DPP10: variants seen among roughly 807,000 people sequenced by gnomAD.
DPP10 encodes the protein dipeptidyl peptidase like 10.
Under a neutral mutation model 120.9 loss-of-function variants are expected in DPP10, and 33 were observed. The ratio of observed to expected loss-of-function variants is 0.27; its 90% confidence interval spans 0.21 to 0.37. DPP10 has a LOEUF of 0.37. DPP10 is among the 10% of genes least tolerant of loss of function. The probability of loss-of-function intolerance (pLI) is 1.00; values close to 1 mark genes in which losing one functional copy is unlikely to be tolerated. For missense variants in DPP10, 816 were observed against 942.8 expected (o/e 0.87, Z 1.76); for synonymous variants, 337 against 326.1 (o/e 1.03, Z -0.36).
intron 7 of DPP10, among the ~76,000 whole-genome samples, chr2:115,727,532 A>G (rs1276534160): frequency 6.6e-6 from 1 of 152,148 alleles, no homozygotes. Flanking sequence ...TGTGGTATGG[A>G]GAGAGATTAT....
chr2:114,555,973 C>T (rs1430115), intron 1 of DPP10, among the ~76,000 whole-genome samples: 1,828 of 152,022 alleles, frequency 0.012, 31 homozygotes, highest in African/African-American at 0.041. Flanking sequence ...AAGAGAGAGC[C>T]AGGAGCCAGA....
At chr2:115,307,093 T>C (rs2061387800) in intron 1 of DPP10, among the ~76,000 whole-genome samples, 2 of 152,236 alleles carry the variant, frequency 1.3e-5, no homozygotes, top group South Asian at 2.1e-4. Flanking sequence ...TACTAATCTC[T>C]TCAAATCCCG....
intron 1 of DPP10, among the ~76,000 whole-genome samples, chr2:114,869,309 G>T (rs929537653): frequency 6.6e-6 from 1 of 152,110 alleles, no homozygotes; most frequent in Non-Finnish European, 1.5e-5. Context: ...TGTGAAGCAG[G>T]TTTATTGCGC....
chr2:114,782,936 T>C (rs1682456957), intron 1 of DPP10, among the ~76,000 whole-genome samples: 1 of 152,088 alleles, frequency 6.6e-6, no homozygotes, highest in Non-Finnish European at 1.5e-5. Flanking sequence ...TAATTCTTCC[T>C]TGTAATTTCT....
At chr2:115,178,913 G>T (rs2053888402) in intron 1 of DPP10, among the ~76,000 whole-genome samples, 1 of 152,192 alleles carries the variant, frequency 6.6e-6, no homozygotes, top group African/African-American at 2.4e-5. Flanking sequence ...ATGGGATTGT[G>T]GTTTCTACTG....
intron 19 of DPP10, among the ~76,000 whole-genome samples, chr2:115,812,723 T>A (rs1246799068): frequency 6.6e-6 from 1 of 152,156 alleles, no homozygotes; most frequent in Non-Finnish European, 1.5e-5. Flanking sequence ...AATGAGTGAT[T>A]TAGAAAAGAA....
At chr2:115,443,121 G>T (rs907501874) in intron 3 of DPP10, among the ~76,000 whole-genome samples, 1 of 152,114 alleles carries the variant, frequency 6.6e-6, no homozygotes, top group African/African-American at 2.4e-5. Flanking sequence ...CTTTGATTTG[G>T]AAAGGCTAAG....
At chr2:115,711,886 C>G (rs991935697) in intron 7 of DPP10, among the ~76,000 whole-genome samples, 47 of 142,792 alleles carry the variant, frequency 3.3e-4, no homozygotes, top group Middle Eastern at 4.0e-3. Context: ...TAAGAGTTTT[C>G]CTAGAATATT....
chr2:114,823,067 A>T (rs540599812), intron 1 of DPP10, among the ~76,000 whole-genome samples: 1 of 152,318 alleles, frequency 6.6e-6, no homozygotes, highest in East Asian at 1.9e-4. Flanking sequence ...TCTTTACAGC[A>T]GCACCCTACT....
intron 1 of DPP10, among the ~76,000 whole-genome samples, chr2:115,236,039 A>G (rs1431774450): frequency 1.3e-5 from 2 of 152,192 alleles, no homozygotes; most frequent in Non-Finnish European, 2.9e-5. Flanking sequence ...TGCAAGAAAC[A>G]GACAAGCAAC....
intron 1 of DPP10, among the ~76,000 whole-genome samples, chr2:114,570,836 TAAA>T (rs58796386): frequency 0.025 from 1,471 of 57,864 alleles, 21 homozygotes; most frequent in African/African-American, 0.069. Context: ...CTGTCTCAAA[TAAA>T]AAAAAAAAAA....
At chr2:115,487,278 A>G (rs1003407554) in intron 3 of DPP10, among the ~76,000 whole-genome samples, 1 of 131,488 alleles carries the variant, frequency 7.6e-6, no homozygotes, top group Non-Finnish European at 1.6e-5. Context: ...AGGAAGAATC[A>G]ATATCGTGAA....
intron 2 of DPP10, among the ~76,000 whole-genome samples, chr2:115,310,479 A>C (rs2061532668): frequency 6.6e-6 from 1 of 152,144 alleles, no homozygotes; most frequent in African/African-American, 2.4e-5. Flanking sequence ...AAACTGCCAA[A>C]AATGCAGTTT....
At chr2:115,501,831 G>T (rs1038701929) in intron 4 of DPP10, among the ~76,000 whole-genome samples, 1 of 151,962 alleles carries the variant, frequency 6.6e-6, no homozygotes, top group Non-Finnish European at 1.5e-5. Flanking sequence ...ACTAACGTTA[G>T]GCTAAAACCG....
At chr2:114,768,065 T>C (rs1049993950) in intron 1 of DPP10, among the ~76,000 whole-genome samples, 5 of 137,180 alleles carry the variant, frequency 3.6e-5, no homozygotes, top group African/African-American at 5.6e-5. Flanking sequence ...GAGGTGGAGG[T>C]GGCAGTGAGC....
chr2:114,750,342 T>A (rs940845394), intron 1 of DPP10, among the ~76,000 whole-genome samples: 10 of 151,844 alleles, frequency 6.6e-5, no homozygotes, highest in African/African-American at 2.4e-4. Flanking sequence ...CAATATATTT[T>A]TTTTTTTTTG....
rs1175832535 is a variant in DPP10 at position 114,846,338 on chromosome 2, A to G, written c.60+403500A>G. Among the ~76,000 whole-genome samples, 4 of 152,160 alleles carry G rather than the reference A, an allele frequency of 2.6e-5. No homozygotes were observed. In the East Asian group the frequency reaches 7.7e-4, roughly 29 times the overall value. The stretch of plus-strand genomic sequence containing the variant: ...ATTTAAATATGCTGATCAATTACTC[A>G]AAAAATATTCCAGAGGAAGACTATG... On this transcript the variant is annotated intron_variant, in intron 1 of 25. Transcript: ENST00000410059.
At chr2:115,773,869 GACAGTC>G (rs1192538701) in intron 13 of DPP10, among the ~76,000 whole-genome samples, 3 of 152,054 alleles carry the variant, frequency 2.0e-5, no homozygotes, top group Non-Finnish European at 4.4e-5. Context: ...TCACTGCTGT[GACAGTC>G]TTATGTAGAT....
intron 1 of DPP10, among the ~76,000 whole-genome samples, chr2:115,205,732 G>A (rs1044309348): frequency 6.6e-6 from 1 of 152,144 alleles, no homozygotes; most frequent in Admixed American, 6.6e-5. Context: ...TTGCAGTAAC[G>A]TGGATGCAGT....
Sources: allele counts gnomAD v4.1 joint callset (sites outside exome capture counted in the v4.1 genomes callset), GRCh38; gene constraint gnomAD v4.1.1; transcripts MANE v1.5; gene names NCBI Gene and HGNC (gene_info 2026-07-23, HGNC 2026-07-21).